Variants in HAPLN3 observed in about 807,000 individuals in gnomAD.
HAPLN3 encodes extracellular link domain containing, 1.
A neutral mutation model predicts 28.1 loss-of-function variants in HAPLN3; 28 were observed. That is an observed-to-expected ratio of 1.00 (90% CI 0.74 to 1.37). The LOEUF (loss-of-function observed/expected upper bound fraction) is 1.37. HAPLN3 is among the 40% of genes most tolerant of loss of function. The pLI, the probability that HAPLN3 is intolerant of heterozygous loss-of-function variation, is 0.00. For synonymous variants in HAPLN3, 211 were observed against 213.1 expected (o/e 0.99, Z 0.09); for missense variants, 513 against 504.6 (o/e 1.02, Z -0.16).
rs1240009030 is a variant in HAPLN3, at chr15:88,879,464, C to T, written c.494-195G>A. Reference sequence around the variant, plus strand: ...CTCCTGGGACTCAGCTGGTTCACAGCAGTACTCAGAAAACATCCATGAGTT... The same window carrying T: ...CTCCTGGGACTCAGCTGGTTCACAGTAGTACTCAGAAAACATCCATGAGTT... On this transcript the variant is annotated intron_variant, in intron 3 of 4. Coordinates refer to ENST00000359595, the MANE Select transcript of HAPLN3 (RefSeq NM_178232.4). The surrounding 1 kb of genome is among the most constrained non-coding windows in gnomAD (Gnocchi z 5.0). 2.6e-6 allele frequency: 4 copies of T among 1,532,774 alleles called. No individual in the cohort carries two copies. Among genetic ancestry groups the T allele is most frequent in the Non-Finnish European group, 3.5e-6 (4 of 1,145,624 alleles). The allele number at this position is 1,532,774 out of a possible 1,614,324, so 94.9% of individuals were successfully genotyped here. A position where few individuals can be genotyped will look rare whatever the true frequency, so the allele number is the denominator to read the frequency against.
chr15:88,893,110 C>A, intron 1 of HAPLN3: 1 of 798,086 alleles, frequency 1.3e-6, no homozygotes, highest in Non-Finnish European at 2.1e-6. Context: ...TCCATTTCCT[C>A]ATCTGTAAAA....
At chr15:88,882,365 A>G (rs1897728168) in intron 2 of HAPLN3, among the ~76,000 whole-genome samples, 1 of 152,246 alleles carries the variant, frequency 6.6e-6, no homozygotes, top group Non-Finnish European at 1.5e-5. Context: ...GAGCCACCCC[A>G]CATGAGGTAC....
At chr15:88,883,911 C>A (rs1377139563) in intron 2 of HAPLN3, among the ~76,000 whole-genome samples, 3 of 151,970 alleles carry the variant, frequency 2.0e-5, no homozygotes, top group Non-Finnish European at 4.4e-5. Context: ...AGCCCCATCT[C>A]TACTAAAAAT....
At position 88,881,537 on chromosome 15, in the gene HAPLN3, T is replaced by C; in HGVS notation, c.313A>G (p.Ile105Val). 1.2e-6 allele frequency: 2 copies of C among 1,614,144 alleles called. No homozygotes were observed. Among genetic ancestry groups the C allele is most frequent in the East Asian group, 2.2e-5 (1 of 44,882 alleles). The change falls in exon 3 of 5, where the codon ATC becomes GTC. Residue 105 changes from isoleucine (I) to valine (V), a missense_variant. Transcript: ENST00000359595. This position sits in a 1 kb window ranked among gnomAD's most constrained non-coding sequence, Gnocchi z 6.0. ...CCAAAGGAGCGGTGCCTCAGCCCGA[T>C]GGCCACCAGCACGTCCTTCTCTGGG... The part of the protein sequence containing the change: ...GAPEKDVLVA[I>V]GLRHRSFGDY...
chr15:88,881,554 T>G lies in HAPLN3; in HGVS notation c.296A>C (p.Lys99Thr), dbSNP rs934134954. The change falls in exon 3 of 5, where the codon AAG (lysine) becomes ACG (threonine). Residue 99 changes from lysine to threonine, a missense_variant. Lys to Thr is a moderately conservative substitution (Grantham distance 78). Transcript: ENST00000359595. The surrounding 1 kb of genome is among the most constrained non-coding windows in gnomAD (Gnocchi z 6.0). ...WKLSENGAPE[K>T]DVLVAIGLRH... ...CAGCCCGATGGCCACCAGCACGTCC[T>G]TCTCTGGGGCCCCGTTCTCCGACAG... The G allele has an allele frequency of 1.2e-6, 2 of 1,613,968 alleles. No individual in the cohort carries two copies. The highest frequency in any genetic ancestry group is 2.7e-5 in the African/African-American group (2 of 74,930).
Position 88,878,053 on chromosome 15 carries a change from GC to G in HAPLN3, c.999del (p.Pro335GlnfsTer56), listed in dbSNP as rs1397269117. The G allele has an allele frequency of 6.2e-7, 1 of 1,613,946 alleles. No homozygotes were observed. Among genetic ancestry groups the G allele is most frequent in the African/African-American group, 1.3e-5 (1 of 74,932 alleles). On this transcript the variant is annotated frameshift_variant, in exon 5 of 5. Coordinates refer to ENST00000359595, the MANE Select transcript of HAPLN3 (RefSeq NM_178232.4). LOFTEE classifies it low-confidence loss of function (END_TRUNC). ...AAGCTTCGGACCCCAGGCTCTGGGG[GC>G]CCACAGTTAGGATGCGGGTGAACCA... Reference protein sequence around the residue: ...YPVVHPHPNCGPPEPGVRSFG... With the variant: ...YPVVHPHPNCXPPEPGVRSFG...
Position 88,880,723 on chromosome 15 carries a change from T to A in HAPLN3, c.493+634A>T. On this transcript the variant is annotated intron_variant, in intron 3 of 4. Transcript: ENST00000359595. This position sits in a 1 kb window ranked among gnomAD's most constrained non-coding sequence, Gnocchi z 6.0. ...CAGCACTGGGTTTTTGTTTTTGGTT[T>A]TGGGGGGGCTTTTTGTTTGTTTTTT... The A allele has an allele frequency of 2.4e-6, 1 of 418,410 alleles. No homozygotes were observed. The highest frequency in any genetic ancestry group is 3.7e-6 in the Non-Finnish European group (1 of 266,806). 25.9% of individuals were successfully genotyped at this position (418,410 alleles called of 1,614,324 possible).
intron 4 of HAPLN3, 21 bp from the exon 5 acceptor site, chr15:88,878,277 G>A (rs1347349644): frequency 1.3e-6 from 2 of 1,598,738 alleles, no homozygotes; most frequent in Admixed American, 1.7e-5. Context: ...GGGGGCGTGA[G>A]TGCCGTACAG....
At chr15:88,894,470 C>G (rs946386646) in intron 1 of HAPLN3, among the ~76,000 whole-genome samples, 4 of 152,218 alleles carry the variant, frequency 2.6e-5, no homozygotes, top group Admixed American at 6.5e-5. Flanking sequence ...CCCGCGAGGT[C>G]TGCACGAGCG....
In HAPLN3 at chr15:88,887,326, G is replaced by C. The variant is rs1482419900; in HGVS notation, c.-28C>G. The C allele has an allele frequency of 1.5e-5, 24 of 1,613,262 alleles. No individual in the cohort carries two copies. The highest frequency in any genetic ancestry group is 1.9e-5 in the Non-Finnish European group (22 of 1,179,676). ...CCTCATGCCAGGGTGACCCGGGCCA[G>C]GCTGGGGCCCCAGGGCAAACTGGGA... On this transcript the variant is annotated 5_prime_UTR_variant, in exon 2 of 5. Transcript: ENST00000359595.
chr15:88,890,566 T>G (rs542162902), intron 1 of HAPLN3, among the ~76,000 whole-genome samples: 30 of 152,176 alleles, frequency 2.0e-4, no homozygotes, highest in Non-Finnish European at 3.4e-4. Flanking sequence ...TCTAGATGGG[T>G]GCACGACCGT....
intron 1 of HAPLN3, among the ~76,000 whole-genome samples, chr15:88,894,992 C>T (rs978428960): frequency 1.1e-4 from 16 of 152,240 alleles, no homozygotes; most frequent in African/African-American, 3.6e-4. Context: ...GTCCGCCAGC[C>T]GCCTCGCAGG....
chr15:88,881,606 G>C lies in HAPLN3; in HGVS notation c.244C>G (p.Arg82Gly). 6.2e-7 allele frequency: 1 copy of C among 1,614,036 alleles called. No homozygotes were observed. Among genetic ancestry groups the C allele is most frequent in the Non-Finnish European group, 8.5e-7 (1 of 1,180,038 alleles). ...YRYEPALVSP[R>G]RVRVKWWKLS... is the part of the protein sequence containing the mutation. ...TTCCACCATTTGACACGCACACGCC[G>C]CGGGGAGACCAGGGCCGGCTCGTAG... The change falls in exon 3 of 5, where the codon CGG becomes GGG. Residue 82 changes from arginine to glycine, a missense_variant. By Grantham distance (125) the Arg-to-Gly change is moderately radical. Coordinates refer to ENST00000359595, the MANE Select transcript of HAPLN3 (RefSeq NM_178232.4). This position sits in a 1 kb window ranked among gnomAD's most constrained non-coding sequence, Gnocchi z 6.0.
intron 1 of HAPLN3, chr15:88,892,976 T>A: frequency 1.3e-6 from 2 of 1,535,820 alleles, no homozygotes; most frequent in East Asian, 4.9e-5. Context: ...CCAGTCACCT[T>A]GGCAGTGGAT....
chr15:88,878,919 C>T, intron 4 of HAPLN3, 48 bp downstream of exon 4: 1 of 1,534,926 alleles, frequency 6.5e-7, no homozygotes, highest in Non-Finnish European at 8.8e-7. Flanking sequence ...CTCACAGGTC[C>T]CAGGTGGCCA....
chr15:88,877,671 T>G lies in HAPLN3; in HGVS notation c.*299A>C. On this transcript the variant is annotated 3_prime_UTR_variant, in exon 5 of 5. Transcript: ENST00000359595. This position sits in a 1 kb window ranked among gnomAD's most constrained non-coding sequence, Gnocchi z 5.1. ...GCATTCTAGACAGGCCACCGCCCACTCTGGGCACCAACCTCCTTAAGGGAG... is the reference window on the plus strand; with the variant it reads ...GCATTCTAGACAGGCCACCGCCCACGCTGGGCACCAACCTCCTTAAGGGAG... 5.9e-6 allele frequency: 2 copies of G among 336,544 alleles called. No homozygotes were observed. The highest frequency in any genetic ancestry group is 1.1e-5 in the Non-Finnish European group (2 of 185,104). The allele number at this position is 336,544 out of a possible 1,614,324, so 20.8% of individuals were successfully genotyped here. A position where few individuals can be genotyped will look rare whatever the true frequency, so the allele number is the denominator to read the frequency against.
rs16942414 is a variant in HAPLN3 at position 88,877,453 on chromosome 15, C to A, written c.*517G>T. The A allele has an allele frequency of 0.14, 21,839 of 153,134 alleles. 4,359 individuals are homozygous for A. Among genetic ancestry groups the A allele is most frequent in the African/African-American group, 0.45 (18,586 of 41,486 alleles). The allele number at this position is 153,134 out of a possible 1,614,324, so 9.5% of individuals were successfully genotyped here. A position where few individuals can be genotyped will look rare whatever the true frequency, so the allele number is the denominator to read the frequency against. ...GAGGGGAGTTTCTTCCTTCCCTCAG[C>A]TTTCGCCTGGAAGCCTAGAACTGGC... On this transcript the variant is annotated 3_prime_UTR_variant, in exon 5 of 5. Coordinates refer to ENST00000359595, the MANE Select transcript of HAPLN3 (RefSeq NM_178232.4). This position sits in a 1 kb window ranked among gnomAD's most constrained non-coding sequence, Gnocchi z 5.1.
rs1416738855 is a variant in HAPLN3, at chr15:88,881,677, A to T, written c.173T>A (p.Leu58Gln). 1 of 1,613,752 alleles carries T rather than the reference A, an allele frequency of 6.2e-7. No individual in the cohort carries two copies. Among genetic ancestry groups the T allele is most frequent in the South Asian group, 1.1e-5 (1 of 91,060 alleles). The change falls in exon 3 of 5, where the codon CTG (leucine) becomes CAG (glutamine). Residue 58 changes from leucine to glutamine, a missense_variant. Transcript: ENST00000359595. This position sits in a 1 kb window ranked among gnomAD's most constrained non-coding sequence, Gnocchi z 6.0. ...CACACTGGCCCCTTGGTAGGTGAAC[A>T]GGGTCTCCTCGGGTGTCTCCACCAC... ...KLVVETPEET[L>Q]FTYQGASVIL...
Position 88,880,069 on chromosome 15 carries a change from G to A in HAPLN3, c.494-800C>T, listed in dbSNP as rs1172626278. The A allele has an allele frequency of 1.5e-5, 15 of 992,932 alleles. No homozygotes were observed. The highest frequency in any genetic ancestry group is 1.1e-4 in the East Asian group (1 of 9,030). The allele number at this position is 992,932 out of a possible 1,614,324, so 61.5% of individuals were successfully genotyped here. The stretch of plus-strand genomic sequence containing the variant: ...CCAAACCTCCGATCTCACCAGGGCC[G>A]GAAGCCAGGCACCTGGGCAAAGCCA... On this transcript the variant is annotated intron_variant, in intron 3 of 4. Transcript: ENST00000359595. The surrounding 1 kb of genome is among the most constrained non-coding windows in gnomAD (Gnocchi z 6.0).
Sources: allele counts gnomAD v4.1 joint callset (sites outside exome capture counted in the v4.1 genomes callset), GRCh38; gene constraint gnomAD v4.1.1; non-coding constraint Gnocchi (gnomAD v3.1); transcripts MANE v1.5; gene names NCBI Gene and HGNC (gene_info 2026-07-23, HGNC 2026-07-21).